The following IGSF21 variants were observed in gnomAD, a reference collection of about 807,000 sequenced individuals.
IGSF21 encodes the protein immunoglobulin superfamily member 21.
Under a neutral mutation model 46.8 loss-of-function variants are expected in IGSF21, and 28 were observed. That is an observed-to-expected ratio of 0.60 (90% CI 0.44 to 0.82). IGSF21 has a LOEUF of 0.82. Among genes scored for constraint, IGSF21 ranks in the 40% least tolerant of loss-of-function variants. IGSF21 has a pLI of 0.00. For missense variants in IGSF21, 624 were observed against 665.5 expected (o/e 0.94, Z 0.69); for synonymous variants, 284 against 273.6 (o/e 1.04, Z -0.38).
At chr1:18,125,894 G>A (rs2086271027) in intron 1 of IGSF21, among the ~76,000 whole-genome samples, 2 of 152,188 alleles carry the variant, frequency 1.3e-5, no homozygotes, top group African/African-American at 2.4e-5. Context: ...CAGGCCTTGG[G>A]GCTGCCAAGA....
At chr1:18,211,053 G>A (rs2084386760) in intron 1 of IGSF21, among the ~76,000 whole-genome samples, 1 of 152,130 alleles carries the variant, frequency 6.6e-6, no homozygotes, top group Non-Finnish European at 1.5e-5. Context: ...TGTGTTTTTA[G>A]TAGAGATGGG....
At chr1:18,167,781 G>A (rs2124453892) in intron 1 of IGSF21, 1 of 152,216 alleles carries the variant, frequency 6.6e-6, no homozygotes, top group African/African-American at 2.4e-5. Flanking sequence ...GGGGAGAGAA[G>A]GGTCCCCACT....
chr1:18,277,895 T>A (rs1462748290), intron 2 of IGSF21, among the ~76,000 whole-genome samples: 3 of 152,078 alleles, frequency 2.0e-5, no homozygotes, highest in Non-Finnish European at 4.4e-5. Context: ...CGGAGGGAAT[T>A]TTCTGGAGTA....
chr1:18,342,065 T>TTTTG (rs1553165078), intron 4 of IGSF21, among the ~76,000 whole-genome samples: 3 of 124,546 alleles, frequency 2.4e-5, no homozygotes, highest in Admixed American at 7.8e-5. Flanking sequence ...TTTTTTTTTT[T>TTTTG]TTTGTTTGTT....
intron 4 of IGSF21, among the ~76,000 whole-genome samples, chr1:18,350,334 T>C (rs2085939503): frequency 6.6e-6 from 1 of 152,032 alleles, no homozygotes; most frequent in South Asian, 2.1e-4. Context: ...GCATTCGAGG[T>C]CCCAATACCT....
chr1:18,295,899 A>G (rs1469327984), intron 3 of IGSF21, among the ~76,000 whole-genome samples: 1 of 152,206 alleles, frequency 6.6e-6, no homozygotes, highest in Admixed American at 6.5e-5. Context: ...GCTCAGGAGG[A>G]CAAAGTACAA....
intron 1 of IGSF21, among the ~76,000 whole-genome samples, chr1:18,147,051 G>A (rs59243126): frequency 0.014 from 2,206 of 152,222 alleles, 56 homozygotes; most frequent in African/African-American, 0.05. Context: ...TCTGGATGAC[G>A]CTTCCCTCTG....
At chr1:18,156,312 C>T (rs1181762624) in intron 1 of IGSF21, among the ~76,000 whole-genome samples, 1 of 152,154 alleles carries the variant, frequency 6.6e-6, no homozygotes, top group Non-Finnish European at 1.5e-5. Context: ...AGCCCTGTGC[C>T]CACTGGGCAC....
intron 2 of IGSF21, among the ~76,000 whole-genome samples, chr1:18,271,112 G>A (rs910022146): frequency 1.3e-5 from 2 of 152,118 alleles, no homozygotes; most frequent in South Asian, 4.2e-4. Flanking sequence ...CAGAGCTATG[G>A]GCAGAGGATT....
At chr1:18,250,383 C>G (rs12043909) in intron 2 of IGSF21, among the ~76,000 whole-genome samples, 57,440 of 151,434 alleles carry the variant, frequency 0.38, 11,568 homozygotes, top group African/African-American at 0.52. Context: ...ACAGCTGCCC[C>G]GTCCACACCA....
At chr1:18,204,242 A>T (rs1251420987) in intron 1 of IGSF21, among the ~76,000 whole-genome samples, 1 of 152,238 alleles carries the variant, frequency 6.6e-6, no homozygotes, top group Non-Finnish European at 1.5e-5. Context: ...ACTGAGCCTT[A>T]GAACGATGCA....
chr1:18,289,712 C>T (rs1220190195), intron 2 of IGSF21, among the ~76,000 whole-genome samples: 6 of 152,194 alleles, frequency 3.9e-5, no homozygotes, highest in Non-Finnish European at 8.8e-5. Flanking sequence ...TCAGCAGCTT[C>T]CTAGCCTCTA....
intron 1 of IGSF21, among the ~76,000 whole-genome samples, chr1:18,128,788 CTGTGTGTGTG>C (rs10534606): frequency 3.2e-4 from 48 of 149,658 alleles, no homozygotes; most frequent in Admixed American, 1.3e-3. Context: ...TGCTCATTCG[CTGTGTGTGTG>C]TGTGTGTGTG....
chr1:18,196,472 C>T (rs75987549), intron 1 of IGSF21, among the ~76,000 whole-genome samples: 4 of 152,170 alleles, frequency 2.6e-5, no homozygotes, highest in Non-Finnish European at 4.4e-5. Context: ...CAACAACCAA[C>T]ATACTTAGAT....
intron 1 of IGSF21, among the ~76,000 whole-genome samples, chr1:18,208,041 G>C (rs1272725739): frequency 6.6e-6 from 1 of 152,040 alleles, no homozygotes; most frequent in African/African-American, 2.4e-5. Context: ...CCCTGGGAGA[G>C]AGATAGGAAT....
At chr1:18,130,318 T>G (rs2124415845) in intron 1 of IGSF21, among the ~76,000 whole-genome samples, 1 of 152,264 alleles carries the variant, frequency 6.6e-6, no homozygotes, top group African/African-American at 2.4e-5. Flanking sequence ...GAGAAGTTCC[T>G]GTGGGAAGAA....
chr1:18,186,982 A>G (rs1044141144), intron 1 of IGSF21, among the ~76,000 whole-genome samples: 1 of 152,092 alleles, frequency 6.6e-6, no homozygotes, highest in African/African-American at 2.4e-5. Context: ...CCCTCCTGTG[A>G]CCATCGTTTT....
intron 1 of IGSF21, among the ~76,000 whole-genome samples, chr1:18,198,713 A>G (rs2087034931): frequency 6.6e-6 from 1 of 152,150 alleles, no homozygotes; most frequent in Admixed American, 6.5e-5. Flanking sequence ...GTATTGCAGC[A>G]GTTCCACACT....
chr1:18,332,215 AC>A (rs1557647441), intron 3 of IGSF21, among the ~76,000 whole-genome samples: 1 of 152,104 alleles, frequency 6.6e-6, no homozygotes, highest in Non-Finnish European at 1.5e-5. Flanking sequence ...TGCAGCCATC[AC>A]CTAGGTGGTG....
Sources: gnomAD v4.1 joint callset for allele counts (sites outside exome capture counted in the v4.1 genomes callset) on GRCh38, gnomAD v4.1.1 for gene constraint, MANE v1.5 for transcripts, NCBI Gene and HGNC (gene_info 2026-07-23, HGNC 2026-07-21) for gene names.